SLC16A10: variants seen among roughly 807,000 people sequenced by gnomAD.
SLC16A10 encodes the protein solute carrier family 16 member 10.
A neutral mutation model predicts 40.0 loss-of-function variants in SLC16A10; 27 were observed. The observed-to-expected ratio is 0.67, with a 90% confidence interval of 0.50 to 0.93. The LOEUF is 0.93. Among genes scored for constraint, SLC16A10 ranks in the 40% least tolerant of loss-of-function variants. The probability of loss-of-function intolerance (pLI) is 0.00; values close to 1 mark genes in which losing one functional copy is unlikely to be tolerated. For missense variants in SLC16A10, 529 were observed against 658.2 expected (o/e 0.80, Z 2.15); for synonymous variants, 213 against 249.8 (o/e 0.85, Z 1.39).
rs1340338363 is a variant in SLC16A10 at position 111,216,011 on chromosome 6, G to T, written c.1087-2803G>T. Among the ~76,000 whole-genome samples the T allele has an allele frequency of 5.9e-5, 9 of 151,846 alleles. No homozygotes were observed. The East Asian group carries it at 1.7e-3, about 29-fold the overall frequency. ...ACCTGTTTCAAAAATAAAAAATTGG[G>T]GTTTATCTACTTAGATTTTCAATAA... is the stretch of plus-strand genomic sequence containing the variant. On this transcript the variant is annotated intron_variant, in intron 4 of 5. Transcript: ENST00000368851.
At chr6:111,151,027 A>G (rs1034015687) in intron 1 of SLC16A10, among the ~76,000 whole-genome samples, 16 of 152,198 alleles carry the variant, frequency 1.1e-4, no homozygotes, top group Admixed American at 9.2e-4. Flanking sequence ...CTTTTAGGAC[A>G]CTTCCATCCA....
rs1450238020 is a variant in SLC16A10 at position 111,226,958 on chromosome 6, T to G, written c.*4723T>G. On this transcript the variant is annotated 3_prime_UTR_variant, in exon 6 of 6. Coordinates refer to ENST00000368851, the MANE Select transcript of SLC16A10 (RefSeq NM_018593.5). ...CTCAGCCTGGGCAACATAGTGAGAT[T>G]TCGTCTCTACAAAAAAAATTTAGCC... is the stretch of plus-strand genomic sequence containing the variant. The G allele has an allele frequency of 1.3e-5, 2 of 152,216 alleles. No individual in the cohort carries two copies. The highest frequency in any genetic ancestry group is 2.9e-5 in the Non-Finnish European group (2 of 68,082). 9.4% of individuals were successfully genotyped at this position (152,216 alleles called of 1,614,324 possible).
intron 1 of SLC16A10, among the ~76,000 whole-genome samples, chr6:111,156,481 T>C (rs1308041446): frequency 6.6e-6 from 1 of 152,202 alleles, no homozygotes; most frequent in Non-Finnish European, 1.5e-5. Context: ...GCACTTTGTG[T>C]AGTCGTGCTT....
At chr6:111,092,322 T>TTTTG (rs1770991897) in intron 1 of SLC16A10, among the ~76,000 whole-genome samples, 1 of 134,976 alleles carries the variant, frequency 7.4e-6, no homozygotes, top group African/African-American at 2.8e-5. Context: ...GTTGTTTTTT[T>TTTTG]TTTTTTTTTT....
intron 3 of SLC16A10, among the ~76,000 whole-genome samples, chr6:111,189,505 A>G (rs1003650037): frequency 5.3e-5 from 8 of 152,168 alleles, no homozygotes; most frequent in African/African-American, 1.9e-4. Flanking sequence ...GGACCCAATC[A>G]TTGTTTTTTC....
Position 111,222,822 on chromosome 6 carries a change from A to G in SLC16A10, c.*587A>G, listed in dbSNP as rs1266426522. The G allele has an allele frequency of 6.5e-6, 1 of 153,360 alleles. No individual in the cohort carries two copies. The highest frequency in any genetic ancestry group is 1.4e-5 in the Non-Finnish European group (1 of 69,038). 9.5% of individuals were successfully genotyped at this position (153,360 alleles called of 1,614,324 possible). On this transcript the variant is annotated 3_prime_UTR_variant, in exon 6 of 6. Coordinates refer to ENST00000368851, the MANE Select transcript of SLC16A10 (RefSeq NM_018593.5). ...AAGGGACCTTCTGGGAGCAGGTGCT[A>G]ACATAGTGTTCAGAATCAATATGTG...
In SLC16A10 at chr6:111,133,138, G is replaced by C. The variant is rs1159892536; in HGVS notation, c.344-39557G>C. ...CAAAAAAGCAATGTTGGGCACTCTG[G>C]TAAAGGACCACTAGAATCCAGCAGC... On this transcript the variant is annotated intron_variant, in intron 1 of 5. Transcript: ENST00000368851. Among the ~76,000 whole-genome samples the C allele has an allele frequency of 2.0e-5, 3 of 152,156 alleles. No homozygotes were observed. The East Asian group carries it at 5.8e-4, about 29-fold the overall frequency.
At chr6:111,098,924 T>C (rs1771124573) in intron 1 of SLC16A10, among the ~76,000 whole-genome samples, 2 of 152,254 alleles carry the variant, frequency 1.3e-5, no homozygotes, top group South Asian at 2.1e-4. Context: ...AGTAAGTTGT[T>C]TTTTAGGAAT....
At chr6:111,190,722 C>T (rs755517415) in intron 3 of SLC16A10, among the ~76,000 whole-genome samples, 1 of 152,226 alleles carries the variant, frequency 6.6e-6, no homozygotes, top group African/African-American at 2.4e-5. Flanking sequence ...GTACCTTAGC[C>T]CCTTTTAGCC....
intron 1 of SLC16A10, among the ~76,000 whole-genome samples, chr6:111,130,455 T>C (rs999456437): frequency 2.6e-5 from 4 of 152,244 alleles, no homozygotes; most frequent in African/African-American, 9.6e-5. Context: ...CCCAAGCTGT[T>C]CTTTTTTTGA....
chr6:111,191,533 C>T (rs551416798), intron 3 of SLC16A10, among the ~76,000 whole-genome samples: 2 of 152,316 alleles, frequency 1.3e-5, no homozygotes, highest in East Asian at 3.9e-4. Context: ...GGGTATATAA[C>T]CAGTAATGGG....
At chr6:111,100,990 C>CTATATATATA (rs1191509816) in intron 1 of SLC16A10, among the ~76,000 whole-genome samples, 1 of 70,984 alleles carries the variant, frequency 1.4e-5, no homozygotes, top group African/African-American at 6.3e-5. Flanking sequence ...CTCTCTCTCT[C>CTATATATATA]TCTATATATA....
chr6:111,183,553 A>T (rs541118645), intron 3 of SLC16A10, among the ~76,000 whole-genome samples: 41 of 152,238 alleles, frequency 2.7e-4, no homozygotes, highest in Non-Finnish European at 3.7e-4. Flanking sequence ...TCATTTTTTC[A>T]TCATTTGGAT....
chr6:111,102,935 T>C (rs1771214674), intron 1 of SLC16A10, among the ~76,000 whole-genome samples: 1 of 152,210 alleles, frequency 6.6e-6, no homozygotes, highest in African/African-American at 2.4e-5. Flanking sequence ...AGGGTCTCGC[T>C]CTGTCACCCA....
At chr6:111,133,082 A>T (rs907365038) in intron 1 of SLC16A10, among the ~76,000 whole-genome samples, 6 of 152,196 alleles carry the variant, frequency 3.9e-5, no homozygotes, top group Admixed American at 2.6e-4. Flanking sequence ...ATACTCAGGA[A>T]CCCAGCCCAG....
At chr6:111,145,159 A>C (rs950138923) in intron 1 of SLC16A10, among the ~76,000 whole-genome samples, 1 of 151,430 alleles carries the variant, frequency 6.6e-6, no homozygotes, top group African/African-American at 2.4e-5. Context: ...TTAAAAGAAA[A>C]GTAAGGGCCA....
chr6:111,116,673 T>A (rs1354317393), intron 1 of SLC16A10, among the ~76,000 whole-genome samples: 2 of 152,202 alleles, frequency 1.3e-5, no homozygotes, highest in Non-Finnish European at 2.9e-5. Flanking sequence ...ATGTACCACA[T>A]GACTGTAACT....
At chr6:111,198,915 C>G (rs1332244736) in intron 3 of SLC16A10, among the ~76,000 whole-genome samples, 1 of 152,198 alleles carries the variant, frequency 6.6e-6, no homozygotes, top group Non-Finnish European at 1.5e-5. Flanking sequence ...GAGCATGAAT[C>G]ACAAACAGGA....
intron 1 of SLC16A10, among the ~76,000 whole-genome samples, chr6:111,147,175 T>C: frequency 6.6e-6 from 1 of 152,214 alleles, no homozygotes; most frequent in East Asian, 1.9e-4. Context: ...CTGAATTGTA[T>C]CTTTTAAAAA....
Sources: allele counts gnomAD v4.1 joint callset (sites outside exome capture counted in the v4.1 genomes callset), GRCh38; gene constraint gnomAD v4.1.1; transcripts MANE v1.5; gene names NCBI Gene and HGNC (gene_info 2026-07-23, HGNC 2026-07-21).